DIS3L2: variants seen among roughly 807,000 people sequenced by gnomAD.
The protein encoded by DIS3L2 is DIS3-like exonuclease 2.
A neutral mutation model predicts 97.5 loss-of-function variants in DIS3L2; 34 were observed. That is an observed-to-expected ratio of 0.35 (90% confidence interval 0.27 to 0.46). DIS3L2 has a LOEUF of 0.46. Ranked by LOEUF, DIS3L2 falls within the 20% of genes least tolerant of loss-of-function variation. DIS3L2 has a pLI of 1.00. For synonymous variants in DIS3L2, 435 were observed against 445.2 expected (o/e 0.98, Z 0.29); for missense variants, 1,038 against 1,146.0 (o/e 0.91, Z 1.36).
intron 1 of DIS3L2, among the ~76,000 whole-genome samples, chr2:231,990,271 G>A (rs542006977): frequency 6.6e-6 from 1 of 152,056 alleles, no homozygotes; most frequent in South Asian, 2.1e-4. Flanking sequence ...TCCTTCACTG[G>A]ATGGATGGAG....
chr2:232,267,221 A>G (rs1245804438), intron 13 of DIS3L2, among the ~76,000 whole-genome samples: 2 of 152,214 alleles, frequency 1.3e-5, no homozygotes, highest in African/African-American at 2.4e-5. Context: ...GTGCTGTCAT[A>G]TATTAGCATA....
chr2:232,136,297 T>G (rs867313280), intron 7 of DIS3L2, among the ~76,000 whole-genome samples, 175 bp from the exon 8 acceptor site: 37 of 152,192 alleles, frequency 2.4e-4, no homozygotes, highest in African/African-American at 8.4e-4. Context: ...ACTAGGTACT[T>G]CTTACAACTT....
At chr2:232,248,282 T>C (rs1408140681) in intron 11 of DIS3L2, among the ~76,000 whole-genome samples, 3 of 152,226 alleles carry the variant, frequency 2.0e-5, no homozygotes, top group East Asian at 1.9e-4. Context: ...TACAGTGTTA[T>C]CCATGCTCAA....
rs1176542371 is a variant in DIS3L2 at position 232,166,159 on chromosome 2, T to TG, written c.1124+2531dup. Among the ~76,000 whole-genome samples the TG allele has an allele frequency of 2.0e-5, 3 of 151,894 alleles. No individual in the cohort carries two copies. The East Asian group carries it at 5.8e-4, about 29-fold the overall frequency. On this transcript the variant is annotated intron_variant, in intron 9 of 20. Transcript: ENST00000325385. ...AGTGGTGTGTGCCTACTTGGGAAGC[T>TG]GGGGCGGGAGGATTGTTTGAGCCTG...
chr2:232,264,291 C>G (rs147893427), intron 13 of DIS3L2, among the ~76,000 whole-genome samples: 6 of 152,272 alleles, frequency 3.9e-5, no homozygotes, highest in African/African-American at 1.2e-4. Flanking sequence ...GCCCATGGCC[C>G]GGCAGTTAGG....
intron 14 of DIS3L2, among the ~76,000 whole-genome samples, chr2:232,313,246 A>G (rs1187684554): frequency 6.6e-6 from 1 of 152,214 alleles, no homozygotes; most frequent in East Asian, 1.9e-4. Flanking sequence ...TCTCTTTAGT[A>G]TACACTTTAT....
chr2:232,175,786 C>T (rs1040664449), intron 9 of DIS3L2, among the ~76,000 whole-genome samples: 1 of 151,452 alleles, frequency 6.6e-6, no homozygotes, highest in African/African-American at 2.4e-5. Flanking sequence ...TGTGTGTCGG[C>T]GATGGGTGGG....
At chr2:232,182,121 A>G (rs1691300455) in intron 9 of DIS3L2, among the ~76,000 whole-genome samples, 1 of 152,126 alleles carries the variant, frequency 6.6e-6, no homozygotes, top group Admixed American at 6.5e-5. Flanking sequence ...ATAAATTTTC[A>G]TAGGTTGTAT....
At chr2:232,335,733 A>C (rs1178605212) in intron 19 of DIS3L2, 40 bp from the exon 20 acceptor site, 3 of 1,543,198 alleles carry the variant, frequency 1.9e-6, no homozygotes, top group Non-Finnish European at 2.6e-6. Flanking sequence ...AGGCAGCAGC[A>C]TCCAGAGCTG....
chr2:232,157,488 G>A (rs1690523758), intron 8 of DIS3L2, among the ~76,000 whole-genome samples: 1 of 152,190 alleles, frequency 6.6e-6, no homozygotes, highest in Non-Finnish European at 1.5e-5. Flanking sequence ...CTTCCAAAAG[G>A]TGAAGTCCTT....
chr2:232,116,878 A>T (rs1486716162), intron 6 of DIS3L2, among the ~76,000 whole-genome samples: 1 of 152,216 alleles, frequency 6.6e-6, no homozygotes, highest in East Asian at 1.9e-4. Flanking sequence ...AACTCAAAAC[A>T]TTAAAGAATG....
intron 8 of DIS3L2, among the ~76,000 whole-genome samples, chr2:232,141,947 G>A (rs1347083164): frequency 1.3e-5 from 2 of 152,138 alleles, no homozygotes; most frequent in African/African-American, 4.8e-5. Context: ...TGACTAGATT[G>A]ATAGAAAAAA....
intron 5 of DIS3L2, among the ~76,000 whole-genome samples, chr2:232,081,894 T>C (rs971263476): frequency 1.3e-5 from 2 of 152,248 alleles, no homozygotes; most frequent in Non-Finnish European, 2.9e-5. Flanking sequence ...GTTCAAGTTA[T>C]TCTCCTGCCT....
At chr2:232,110,785 C>T (rs577459512) in intron 6 of DIS3L2, among the ~76,000 whole-genome samples, 3 of 152,058 alleles carry the variant, frequency 2.0e-5, no homozygotes, top group South Asian at 2.1e-4. Flanking sequence ...ATGATCTGTA[C>T]AGCGGACCAC....
At chr2:232,195,105 A>G (rs3116193) in intron 9 of DIS3L2, among the ~76,000 whole-genome samples, 11,374 of 152,290 alleles carry the variant, frequency 0.075, 500 homozygotes, top group Middle Eastern at 0.16. Flanking sequence ...TACTTAAAAG[A>G]CATATAATTC....
downstream of DIS3L2, among the ~76,000 whole-genome samples, chr2:232,338,376 G>A (rs1406768065): frequency 6.6e-6 from 1 of 152,216 alleles, no homozygotes; most frequent in Non-Finnish European, 1.5e-5. Flanking sequence ...GGGTGAACAA[G>A]GGGGTTCCTG....
chr2:232,167,985 T>C (rs1690875095), intron 9 of DIS3L2, among the ~76,000 whole-genome samples: 1 of 151,982 alleles, frequency 6.6e-6, no homozygotes, highest in Non-Finnish European at 1.5e-5. Context: ...GAGGCAGAGG[T>C]TACAGTGAGC....
chr2:232,329,807 CTGCAGG>C lies in DIS3L2; in HGVS notation c.1740-5_1740del. The C allele has an allele frequency of 1.4e-6, 2 of 1,425,994 alleles. No homozygotes were observed. Among genetic ancestry groups the C allele is most frequent in the Non-Finnish European group, 1.9e-6 (2 of 1,080,044 alleles). The allele number at this position is 1,425,994 out of a possible 1,614,324, so 88.3% of individuals were successfully genotyped here. On this transcript the variant is annotated splice_acceptor_variant and splice_polypyrimidine_tract_variant and coding_sequence_variant and intron_variant, in exon 15 of 21. Transcript: ENST00000325385. LOFTEE classifies it high-confidence loss of function. The stretch of plus-strand genomic sequence containing the variant: ...CGGTCCCTCCCATCCCACCCACCCT[CTGCAGG>C]CTCGTGGAGGAGTTCATGCTCTTGG...
chr2:232,334,822 C>G, intron 19 of DIS3L2, 87 bp downstream of exon 19: 1 of 1,153,330 alleles, frequency 8.7e-7, no homozygotes, highest in South Asian at 1.4e-5. Context: ...GGGTCACACT[C>G]CACCCCTCGC....
Sources: gnomAD v4.1 joint callset for allele counts (sites outside exome capture counted in the v4.1 genomes callset) on GRCh38, gnomAD v4.1.1 for gene constraint, MANE v1.5 for transcripts, NCBI Gene and HGNC (gene_info 2026-07-23, HGNC 2026-07-21) for gene names.